CFAP44: variants seen among roughly 807,000 people sequenced by gnomAD.
CFAP44 encodes cilia- and flagella-associated protein 44.
A neutral mutation model predicts 216.2 loss-of-function variants in CFAP44; 134 were observed. The observed-to-expected ratio is 0.62, with a 90% CI of 0.54 to 0.72. The LOEUF is 0.72. Among genes scored for constraint, CFAP44 ranks in the 30% least tolerant of loss-of-function variants. CFAP44 has a pLI of 0.00. For synonymous variants in CFAP44, 700 were observed against 727.6 expected (o/e 0.96, Z 0.61); for missense variants, 2,035 against 2,182.1 (o/e 0.93, Z 1.34).
chr3:113,366,477 C>T (rs946748780), intron 18 of CFAP44, among the ~76,000 whole-genome samples, 168 bp from the exon 19 acceptor site: 1 of 152,118 alleles, frequency 6.6e-6, no homozygotes, highest in African/African-American at 2.4e-5. Context: ...CAGAATGTAA[C>T]TGCATTGTGA....
intron 24 of CFAP44, among the ~76,000 whole-genome samples, chr3:113,341,060 A>T (rs1950328854): frequency 6.6e-6 from 1 of 152,146 alleles, no homozygotes; most frequent in Non-Finnish European, 1.5e-5. Flanking sequence ...ATGACCAGTT[A>T]CTTGTGTCTT....
At chr3:113,438,206 A>G (rs1053719057) in intron 1 of CFAP44, among the ~76,000 whole-genome samples, 1 of 152,216 alleles carries the variant, frequency 6.6e-6, no homozygotes, top group Non-Finnish European at 1.5e-5. Context: ...TCTCTTTGAC[A>G]CATGTAGGGT....
intron 15 of CFAP44, among the ~76,000 whole-genome samples, chr3:113,381,463 C>T (rs760917456): frequency 1.6e-4 from 24 of 152,090 alleles, no homozygotes; most frequent in Non-Finnish European, 2.9e-4. Flanking sequence ...GTAGTCAGTC[C>T]CATCCTACTT....
At chr3:113,407,933 C>T (rs907232100) in intron 7 of CFAP44, among the ~76,000 whole-genome samples, 3 of 152,196 alleles carry the variant, frequency 2.0e-5, no homozygotes, top group Admixed American at 1.3e-4. Context: ...TGTTCAATGT[C>T]TGCCTTTTCC....
chr3:113,419,928 T>G (rs1934764821), intron 5 of CFAP44, 89 bp downstream of exon 5: 1 of 1,363,808 alleles, frequency 7.3e-7, no homozygotes, highest in African/African-American at 1.4e-5. Flanking sequence ...TGCATGGTGT[T>G]GGCATCTAAC....
At chr3:113,423,335 G>A (rs1934870936) in intron 4 of CFAP44, among the ~76,000 whole-genome samples, 1 of 151,860 alleles carries the variant, frequency 6.6e-6, no homozygotes, top group African/African-American at 2.4e-5. Flanking sequence ...GGCTGGTCTC[G>A]CACTCCTGAG....
rs1233533628 is a variant in CFAP44 at position 113,372,126 on chromosome 3, T to C, written c.2444+1285A>G. Among the ~76,000 whole-genome samples the C allele has an allele frequency of 2.0e-5, 3 of 152,230 alleles. No individual in the cohort carries two copies. In the East Asian group the frequency reaches 5.8e-4, roughly 29 times the overall value. ...AGAAATAGGAATGCTTTTACACTGCTGGTGGGAATGTAAATTAGTTCAACC... is the reference window on the plus strand; with the variant it reads ...AGAAATAGGAATGCTTTTACACTGCCGGTGGGAATGTAAATTAGTTCAACC... On this transcript the variant is annotated intron_variant, in intron 18 of 34. Coordinates refer to ENST00000393845, the MANE Select transcript of CFAP44 (RefSeq NM_001164496.2).
At chr3:113,355,038 CCT>C (rs1223584178) in intron 22 of CFAP44, among the ~76,000 whole-genome samples, 26 of 152,234 alleles carry the variant, frequency 1.7e-4, no homozygotes, top group African/African-American at 6.3e-4. Flanking sequence ...CCAGTACCAA[CCT>C]GGAGCCCGGT....
At chr3:113,395,145 A>G (rs1181497363) in intron 15 of CFAP44, among the ~76,000 whole-genome samples, 2 of 152,252 alleles carry the variant, frequency 1.3e-5, no homozygotes, top group African/African-American at 4.8e-5. Context: ...CATCAGTATT[A>G]TCATCTTGGC....
intron 23 of CFAP44, among the ~76,000 whole-genome samples, chr3:113,343,781 G>A (rs191783551): frequency 1.7e-3 from 265 of 152,246 alleles, no homozygotes; most frequent in Admixed American, 3.5e-3. Flanking sequence ...TCAGGACAGC[G>A]GTTTCAGAAT....
intron 21 of CFAP44, chr3:113,361,452 T>C (rs75973391): frequency 0.081 from 12,274 of 151,676 alleles, 591 homozygotes; most frequent in East Asian, 0.15. Context: ...TTATAATTTA[T>C]AAGAAATTAT....
chr3:113,333,143 C>A (rs972289882), intron 25 of CFAP44, among the ~76,000 whole-genome samples: 3 of 152,146 alleles, frequency 2.0e-5, no homozygotes, highest in Non-Finnish European at 4.4e-5. Context: ...CCATCTATAA[C>A]CCCCAGATAT....
intron 13 of CFAP44, among the ~76,000 whole-genome samples, chr3:113,397,849 A>C (rs1934029867): frequency 2.0e-5 from 3 of 152,066 alleles, no homozygotes; most frequent in Admixed American, 2.0e-4. Context: ...ATGATTGGGG[A>C]TGTGCAGAAG....
chr3:113,400,406 C>T, intron 12 of CFAP44, 139 bp downstream of exon 12: 1 of 635,824 alleles, frequency 1.6e-6, no homozygotes, highest in East Asian at 3.1e-5. Context: ...CTCCTCTCCA[C>T]AGCTCAACTC....
At position 113,400,497 on chromosome 3, in the gene CFAP44, T is replaced by G. The variant is rs745795538; in HGVS notation, c.1474+48A>C. On this transcript the variant is annotated intron_variant, in intron 12 of 34. Transcript: ENST00000393845. Reference sequence around the variant, plus strand: ...ACACATATAAAAATTTTATTGCAAATAAAACAAAACAAGGCCAGACATATT... The same window carrying G: ...ACACATATAAAAATTTTATTGCAAAGAAAACAAAACAAGGCCAGACATATT... The G allele has an allele frequency of 2.7e-6, 4 of 1,465,490 alleles. No homozygotes were observed. The Admixed American group carries it at 9.6e-5, about 35-fold the overall frequency. 90.8% of individuals were successfully genotyped at this position (1,465,490 alleles called of 1,614,324 possible).
At chr3:113,378,385 T>A (rs1445748424) in intron 17 of CFAP44, among the ~76,000 whole-genome samples, 1 of 152,156 alleles carries the variant, frequency 6.6e-6, no homozygotes, top group East Asian at 1.9e-4. Context: ...TCCTATGATG[T>A]CTCCAATGCT....
chr3:113,375,038 C>T (rs746827989), intron 17 of CFAP44, among the ~76,000 whole-genome samples: 15 of 152,032 alleles, frequency 9.9e-5, no homozygotes, highest in East Asian at 1.9e-4. Flanking sequence ...TGCTGCATCA[C>T]GGATGAAACT....
chr3:113,396,087 T>A (rs927102101), intron 14 of CFAP44, among the ~76,000 whole-genome samples: 2 of 152,232 alleles, frequency 1.3e-5, no homozygotes, highest in African/African-American at 2.4e-5. Flanking sequence ...ATCACCATAC[T>A]TTCAGAAATT....
At position 113,407,026 on chromosome 3, in the gene CFAP44, A is replaced by C. The variant is rs1183469834; in HGVS notation, c.906T>G (p.Ala302=). ...GSGHIKFWEM[A]FTFTGLKLQG... ...GCAGCTTGAGACCGGTGAACGTAAAAGCCATTTCCCAGAACCTACAAACAA... is the reference window on the plus strand; with the variant it reads ...GCAGCTTGAGACCGGTGAACGTAAACGCCATTTCCCAGAACCTACAAACAA... Residue 302 remains alanine (A), a synonymous_variant, in exon 8 of 35, where the codon GCT becomes GCG. Coordinates refer to ENST00000393845, the MANE Select transcript of CFAP44 (RefSeq NM_001164496.2). The C allele has an allele frequency of 1.9e-6, 3 of 1,614,038 alleles. No individual in the cohort carries two copies. The highest frequency in any genetic ancestry group is 2.5e-6 in the Non-Finnish European group (3 of 1,179,998).
Sources: allele counts gnomAD v4.1 joint callset (sites outside exome capture counted in the v4.1 genomes callset), GRCh38; gene constraint gnomAD v4.1.1; transcripts MANE v1.5; gene names NCBI Gene and HGNC (gene_info 2026-07-23, HGNC 2026-07-21).